ABHD6: variants seen among roughly 807,000 people sequenced by gnomAD.
ABHD6 encodes abhydrolase domain containing 6, acylglycerol lipase, also known as monoacylglycerol lipase ABHD6.
Under a neutral mutation model 38.8 loss-of-function variants are expected in ABHD6, and 33 were observed. The observed-to-expected ratio is 0.85, with a 90% confidence interval of 0.64 to 1.14. ABHD6 has a LOEUF of 1.14. ABHD6 is among the 50% of genes most tolerant of loss of function. ABHD6 has a pLI of 0.00. For synonymous variants in ABHD6, 147 were observed against 161.6 expected (o/e 0.91, Z 0.69); for missense variants, 380 against 422.6 (o/e 0.90, Z 0.88).
intron 1 of ABHD6, among the ~76,000 whole-genome samples, chr3:58,245,173 G>C (rs1486692570): frequency 1.3e-5 from 2 of 150,988 alleles, no homozygotes; most frequent in Non-Finnish European, 3.0e-5. Flanking sequence ...CTTTTTTTTT[G>C]TTTTGTTTTG....
At chr3:58,253,131 C>T (rs2097431098) in intron 2 of ABHD6, among the ~76,000 whole-genome samples, 1 of 151,172 alleles carries the variant, frequency 6.6e-6, no homozygotes, top group Non-Finnish European at 1.5e-5. Flanking sequence ...CTGAAACTGA[C>T]TGGCATTGTG....
At chr3:58,250,768 T>C (rs987180548) in intron 2 of ABHD6, among the ~76,000 whole-genome samples, 1 of 152,198 alleles carries the variant, frequency 6.6e-6, no homozygotes, top group African/African-American at 2.4e-5. Flanking sequence ...ATATGGTAGT[T>C]CTTATCCACA....
chr3:58,286,870 G>GTGTATATA (rs2097457742), intron 9 of ABHD6, among the ~76,000 whole-genome samples: 1 of 75,036 alleles, frequency 1.3e-5, no homozygotes, highest in African/African-American at 4.3e-5. Context: ...ATATATATAT[G>GTGTATATA]TATATGTATA....
chr3:58,252,912 A>G (rs1325608841), intron 2 of ABHD6, among the ~76,000 whole-genome samples: 1 of 152,232 alleles, frequency 6.6e-6, no homozygotes, highest in Non-Finnish European at 1.5e-5. Flanking sequence ...AGAGATAGGA[A>G]TAAATTGCCT....
In ABHD6 at chr3:58,256,467, C is replaced by T; in HGVS notation, c.-25-95C>T. On this transcript the variant is annotated intron_variant, in intron 2 of 9. Transcript: ENST00000478253. This position sits in a 1 kb window ranked among gnomAD's most constrained non-coding sequence, Gnocchi z 4.3. ...GGTTTCCTCCTGTTCTTTACCCTCA[C>T]TCTGGGAACTTCACTTTTCTTGTCC... 2.8e-6 allele frequency: 2 copies of T among 725,858 alleles called. No individual in the cohort carries two copies. The highest frequency in any genetic ancestry group is 2.3e-6 in the Non-Finnish European group (1 of 434,822). 45.0% of individuals were successfully genotyped at this position (725,858 alleles called of 1,614,324 possible).
intron 3 of ABHD6, among the ~76,000 whole-genome samples, chr3:58,260,533 A>C (rs1387128439): frequency 6.6e-6 from 1 of 152,224 alleles, no homozygotes; most frequent in Non-Finnish European, 1.5e-5. Context: ...TCCTCCAAAT[A>C]GCCTCACCAC....
At chr3:58,291,044 T>G (rs1575535030) in intron 9 of ABHD6, among the ~76,000 whole-genome samples, 1 of 148,176 alleles carries the variant, frequency 6.7e-6, no homozygotes, top group South Asian at 2.2e-4. Context: ...GAGGTGGAGG[T>G]TGTAGCGAGC....
At chr3:58,260,139 A>G (rs2097436000) in intron 3 of ABHD6, among the ~76,000 whole-genome samples, 1 of 152,222 alleles carries the variant, frequency 6.6e-6, no homozygotes, top group Non-Finnish European at 1.5e-5. Context: ...ATAATGCTGC[A>G]TAGCAAATAA....
chr3:58,269,443 G>A lies in ABHD6; in HGVS notation c.390+9G>A, dbSNP rs767941568. 1.9e-6 allele frequency: 3 copies of A among 1,605,380 alleles called. No individual in the cohort carries two copies. Among genetic ancestry groups the A allele is most frequent in the Non-Finnish European group, 2.6e-6 (3 of 1,172,730 alleles). On this transcript the variant is annotated intron_variant, in intron 5 of 9. Transcript: ENST00000478253. This position sits in a 1 kb window ranked among gnomAD's most constrained non-coding sequence, Gnocchi z 4.4. ...TTAAGAGGATACACCAGGTAAGCAG[G>A]AGGCTCTACCAAAGATTGCCCAGAC...
At chr3:58,261,586 G>A (rs1463265793) in intron 3 of ABHD6, among the ~76,000 whole-genome samples, 1 of 152,096 alleles carries the variant, frequency 6.6e-6, no homozygotes, top group Non-Finnish European at 1.5e-5. Flanking sequence ...GGGCTCAAGC[G>A]ATCCACCCAC....
In ABHD6 at chr3:58,256,076, A is replaced by AACAC. The variant is rs769155755; in HGVS notation, c.-25-456_-25-453dup. ...TATTTCTCTCTCTTTTCCTCCCACC[A>AACAC]ACACACACACACACACACACACACA... is the stretch of plus-strand genomic sequence containing the variant. On this transcript the variant is annotated intron_variant, in intron 2 of 9. Transcript: ENST00000478253. This position sits in a 1 kb window ranked among gnomAD's most constrained non-coding sequence, Gnocchi z 4.3. 0.024 allele frequency among the ~76,000 whole-genome samples: 1,542 copies of AACAC among 65,524 alleles called. 9 individuals are homozygous for AACAC. Among genetic ancestry groups the AACAC allele is most frequent in the South Asian group, 0.044 (89 of 2,024 alleles). 43.0% of individuals were successfully genotyped at this position (65,524 alleles called of 152,430 possible).
chr3:58,250,648 G>A (rs2097429284), intron 2 of ABHD6, among the ~76,000 whole-genome samples: 1 of 152,082 alleles, frequency 6.6e-6, no homozygotes, highest in African/African-American at 2.4e-5. Context: ...TACACCTGGT[G>A]AAAATTTTTC....
In ABHD6 at chr3:58,266,176, A is replaced by G. The variant is rs2097440780; in HGVS notation, c.120-1013A>G. Among the ~76,000 whole-genome samples the G allele has an allele frequency of 6.6e-6, 1 of 152,188 alleles. No individual in the cohort carries two copies. Among genetic ancestry groups the G allele is most frequent in the Non-Finnish European group, 1.5e-5 (1 of 68,040 alleles). ...AAAGAAACCAACCAGGTGCGGTTTA[A>G]CCAGCTGGACGTCTGTAACCCAAGC... is the stretch of plus-strand genomic sequence containing the variant. On this transcript the variant is annotated intron_variant, in intron 3 of 9. Transcript: ENST00000478253. This position sits in a 1 kb window ranked among gnomAD's most constrained non-coding sequence, Gnocchi z 4.0.
At chr3:58,258,163 T>C (rs1365587636) in intron 3 of ABHD6, among the ~76,000 whole-genome samples, 1 of 151,886 alleles carries the variant, frequency 6.6e-6, no homozygotes, top group Non-Finnish European at 1.5e-5. Context: ...CAAAATTAGC[T>C]AGGCGTGGTG....
At chr3:58,282,320 G>T (rs2097453907) in intron 7 of ABHD6, among the ~76,000 whole-genome samples, 1 of 152,136 alleles carries the variant, frequency 6.6e-6, no homozygotes, top group South Asian at 2.1e-4. Context: ...GGAGATGATG[G>T]TGGTGTAGAC....
In ABHD6 at chr3:58,269,260, G is replaced by T; in HGVS notation, c.277-61G>T. The T allele has an allele frequency of 7.3e-7, 1 of 1,362,400 alleles. No homozygotes were observed. The allele number at this position is 1,362,400 out of a possible 1,614,324, so 84.4% of individuals were successfully genotyped here. A position where few individuals can be genotyped will look rare whatever the true frequency, so the allele number is the denominator to read the frequency against. ...CACTGTACATGGGGCAACCTCCCAA[G>T]AAAATGGGCAGACATGTTTTGCACA... On this transcript the variant is annotated intron_variant, in intron 4 of 9. Coordinates refer to ENST00000478253, the MANE Select transcript of ABHD6 (RefSeq NM_001320126.2). This position sits in a 1 kb window ranked among gnomAD's most constrained non-coding sequence, Gnocchi z 4.4.
At chr3:58,290,494 A>C in intron 9 of ABHD6, among the ~76,000 whole-genome samples, 1 of 114,636 alleles carries the variant, frequency 8.7e-6, no homozygotes, top group Non-Finnish European at 1.8e-5. Context: ...TCCCTCCCGG[A>C]CGGGGCGGCT....
At chr3:58,254,274 A>G in intron 2 of ABHD6, among the ~76,000 whole-genome samples, 1 of 152,200 alleles carries the variant, frequency 6.6e-6, no homozygotes, top group East Asian at 1.9e-4. Context: ...TTGATGTGCT[A>G]TATCAAGGGT....
chr3:58,239,745 G>T (rs1238377673), intron 1 of ABHD6, among the ~76,000 whole-genome samples: 1 of 152,064 alleles, frequency 6.6e-6, no homozygotes, highest in Non-Finnish European at 1.5e-5. Flanking sequence ...GAAAAAAATT[G>T]TCCTTAGAGG....
Sources: gnomAD v4.1 joint callset for allele counts (sites outside exome capture counted in the v4.1 genomes callset) on GRCh38, gnomAD v4.1.1 for gene constraint, Gnocchi (gnomAD v3.1) non-coding constraint, MANE v1.5 for transcripts, NCBI Gene and HGNC (gene_info 2026-07-23, HGNC 2026-07-21) for gene names.